HDAC7: variants seen among roughly 807,000 people sequenced by gnomAD.
HDAC7 encodes the protein histone deacetylase 7, also known as histone deacetylase 7A.
In HDAC7, 26 loss-of-function variants were observed where a neutral mutation model predicts 115.5. The ratio of observed to expected loss-of-function variants is 0.23; its 90% CI spans 0.16 to 0.31. The LOEUF (loss-of-function observed/expected upper bound fraction) is 0.31, where lower values mean the gene tolerates loss of function less well. Ranked by LOEUF, HDAC7 falls within the 10% of genes least tolerant of loss-of-function variation. The pLI is 1.00. For missense variants in HDAC7, 1,068 were observed against 1,329.0 expected (o/e 0.80, Z 3.05); for synonymous variants, 564 against 550.9 (o/e 1.02, Z -0.33).
intron 1 of HDAC7, chr12:47,817,641 G>T (rs989241995): frequency 1.3e-5 from 2 of 152,282 alleles, no homozygotes; most frequent in Non-Finnish European, 2.9e-5. Context: ...GAGAAGGCCT[G>T]GTTCTGGCCC....
chr12:47,788,941 A>G (rs771669121), intron 19 of HDAC7: 3 of 323,628 alleles, frequency 9.3e-6, no homozygotes, highest in Non-Finnish European at 1.7e-5. Context: ...TATTATTCTT[A>G]TCATCACTAC....
In HDAC7 at chr12:47,783,423, G is replaced by A. The variant is rs528381318; in HGVS notation, c.*418C>T. ...GAGCCTAGGAAGGGCCAGCCTGTCT[G>A]AGGCCAAGTTCACATTTCTGTGTGG... On this transcript the variant is annotated 3_prime_UTR_variant, in exon 26 of 26. Coordinates refer to ENST00000080059, the MANE Select transcript of HDAC7 (RefSeq NM_015401.5). 26 of 218,812 alleles carry A rather than the reference G, an allele frequency of 1.2e-4. No individual in the cohort carries two copies. Among genetic ancestry groups the A allele is most frequent in the African/African-American group, 5.4e-4 (24 of 44,552 alleles). 13.6% of individuals were successfully genotyped at this position (218,812 alleles called of 1,614,324 possible). A position where few individuals can be genotyped will look rare whatever the true frequency, so the allele number is the denominator to read the frequency against.
rs1175781054 is a variant in HDAC7 at position 47,819,846 on chromosome 12, C to T, written c.-61G>A. 3.3e-5 allele frequency: 6 copies of T among 184,336 alleles called. No individual in the cohort carries two copies. The East Asian group carries it at 7.1e-4, about 22-fold the overall frequency. The allele number at this position is 184,336 out of a possible 1,614,324, so 11.4% of individuals were successfully genotyped here. On this transcript the variant is annotated 5_prime_UTR_variant, in exon 1 of 26. Coordinates refer to ENST00000080059, the MANE Select transcript of HDAC7 (RefSeq NM_015401.5). ...GCGGGGCGGGGGGCTGGGGCGCCGG[C>T]CTCACATCCCCCCAGTCGCCGGAGG... is the stretch of plus-strand genomic sequence containing the variant.
rs202119280 is a variant in HDAC7 at position 47,797,174 on chromosome 12, C to T, written c.578-32G>A. On this transcript the variant is annotated intron_variant, in intron 6 of 25. Coordinates refer to ENST00000080059, the MANE Select transcript of HDAC7 (RefSeq NM_015401.5). This position sits in a 1 kb window ranked among gnomAD's most constrained non-coding sequence, Gnocchi z 5.5. ...GGAGCACCAGCGTCACTCAGGCCCC[C>T]ACCACCCTTCTTTTTTCCACCCTTT... 6.4e-7 allele frequency: 1 copy of T among 1,563,942 alleles called. No individual in the cohort carries two copies. Among genetic ancestry groups the T allele is most frequent in the Non-Finnish European group, 8.7e-7 (1 of 1,154,256 alleles).
intron 1 of HDAC7, among the ~76,000 whole-genome samples, chr12:47,808,056 G>T (rs928186646): frequency 6.6e-6 from 1 of 152,222 alleles, no homozygotes; most frequent in Non-Finnish European, 1.5e-5. Flanking sequence ...CCAGACGAAG[G>T]CCTCCATCAG....
chr12:47,819,742 C>T, intron 1 of HDAC7, 25 bp downstream of exon 1: 11 of 768,836 alleles, frequency 1.4e-5, no homozygotes, highest in Non-Finnish European at 1.6e-5. Context: ...CAGGGCGGGG[C>T]GGGGGGCGGC....
At chr12:47,792,277 C>A (rs1943573203) in intron 13 of HDAC7, 2 of 517,934 alleles carry the variant, frequency 3.9e-6, no homozygotes, top group Non-Finnish European at 6.9e-6. Flanking sequence ...GAGCCACGGC[C>A]TTCCCACATG....
At chr12:47,812,850 C>G (rs1944724291) in intron 1 of HDAC7, 1 of 152,256 alleles carries the variant, frequency 6.6e-6, no homozygotes, top group African/African-American at 2.4e-5. Context: ...GTCAGAATGG[C>G]ACATTTCTTC....
rs546802080 is a variant in HDAC7, at chr12:47,805,912, T to A, written c.20-3638A>T. On this transcript the variant is annotated intron_variant, in intron 1 of 25. Coordinates refer to ENST00000080059, the MANE Select transcript of HDAC7 (RefSeq NM_015401.5). Reference sequence around the variant, plus strand: ...AAAAGATGGAAATATGAGTGAAACCTGGTTCTCACTTTCAAGGAGTTTAGA... The same window carrying A: ...AAAAGATGGAAATATGAGTGAAACCAGGTTCTCACTTTCAAGGAGTTTAGA... Among the ~76,000 whole-genome samples the A allele has an allele frequency of 5.9e-5, 9 of 152,356 alleles. No individual in the cohort carries two copies. In the South Asian group the frequency reaches 1.9e-3, roughly 32 times the overall value.
intron 1 of HDAC7, chr12:47,817,414 G>GC (rs1944880266): frequency 6.6e-6 from 1 of 152,396 alleles, no homozygotes; most frequent in African/African-American, 2.4e-5. Context: ...CAAAGGAAGT[G>GC]CCCCATCTAG....
At position 47,789,937 on chromosome 12, in the gene HDAC7, C is replaced by T. The variant is rs1251669647; in HGVS notation, c.1984-17G>A. On this transcript the variant is annotated splice_polypyrimidine_tract_variant and intron_variant, in intron 16 of 25. Coordinates refer to ENST00000080059, the MANE Select transcript of HDAC7 (RefSeq NM_015401.5). ...AGTGTCCACCTGCGGGAGCCAGAGT[C>T]AGGGCCCGCATCATCCAAGGCTTCA... is the stretch of plus-strand genomic sequence containing the variant. The T allele has an allele frequency of 1.9e-6, 3 of 1,562,842 alleles. No homozygotes were observed. The highest frequency in any genetic ancestry group is 2.6e-6 in the Non-Finnish European group (3 of 1,134,780).
In HDAC7 at chr12:47,787,745, G is replaced by T. The variant is rs148606386; in HGVS notation, c.2420C>A (p.Pro807His). 7.0e-5 allele frequency: 113 copies of T among 1,612,142 alleles called. No individual in the cohort carries two copies. The highest frequency in any genetic ancestry group is 8.5e-5 in the Non-Finnish European group (100 of 1,179,412). ...NVAWAGGLDP[P>H]MGDPEYLAAF... is the part of the protein sequence containing the mutation. The stretch of plus-strand genomic sequence containing the variant: ...AGCCAGGTACTCAGGATCCCCCATG[G>T]GGGGGTCCAGACCTCCAGCCCAGGC... The change falls in exon 21 of 26, where the codon CCC becomes CAC. Residue 807 changes from proline to histidine, a missense_variant. Pro to His is a moderately conservative substitution (Grantham distance 77). This residue lies in a region of HDAC7 where 182 missense variants were observed against 301.1 expected (regional missense o/e 0.60). Coordinates refer to ENST00000080059, the MANE Select transcript of HDAC7 (RefSeq NM_015401.5).
chr12:47,803,383 G>A lies in HDAC7; in HGVS notation c.20-1109C>T, dbSNP rs984782622. 5.9e-5 allele frequency among the ~76,000 whole-genome samples: 9 copies of A among 152,198 alleles called. No individual in the cohort carries two copies. Among genetic ancestry groups the A allele is most frequent in the African/African-American group, 2.2e-4 (9 of 41,430 alleles). On this transcript the variant is annotated intron_variant, in intron 1 of 25. Transcript: ENST00000080059. The surrounding 1 kb of genome is among the most constrained non-coding windows in gnomAD (Gnocchi z 4.0). Reference sequence around the variant, plus strand: ...GCAGCCACAGTTCCTCTTCAGAGCCGAGAAATGAGAACTTCCTGCAGGCAG... The same window carrying A: ...GCAGCCACAGTTCCTCTTCAGAGCCAAGAAATGAGAACTTCCTGCAGGCAG...
In HDAC7 at chr12:47,788,076, T is replaced by C; in HGVS notation, c.2324A>G (p.Asn775Ser). 6.2e-7 allele frequency: 1 copy of C among 1,613,338 alleles called. No individual in the cohort carries two copies. Among genetic ancestry groups the C allele is most frequent in the Non-Finnish European group, 8.5e-7 (1 of 1,179,558 alleles). The change falls in exon 20 of 26, where the codon AAC becomes AGC. Residue 775 changes from asparagine to serine, a missense_variant. By Grantham distance (46) the Asn-to-Ser change is conservative. Transcript: ENST00000080059. ...YISLHRHDDGNFFPGSGAVDE... is the reference protein window; with the variant it reads ...YISLHRHDDGSFFPGSGAVDE... Reference sequence around the variant, plus strand: ...CACAGCCCCACTCCCCGGGAAGAAGTTGCCGTCGTCATGGCGATGCAGGGA... The same window carrying C: ...CACAGCCCCACTCCCCGGGAAGAAGCTGCCGTCGTCATGGCGATGCAGGGA...
rs1301869391 is a variant in HDAC7 at position 47,793,301 on chromosome 12, C to G, written c.1678+68G>C. The G allele has an allele frequency of 2.4e-5, 29 of 1,230,154 alleles. No individual in the cohort carries two copies. In the East Asian group the frequency reaches 7.5e-4, roughly 32 times the overall value. The allele number at this position is 1,230,154 out of a possible 1,614,324, so 76.2% of individuals were successfully genotyped here. A position where few individuals can be genotyped will look rare whatever the true frequency, so the allele number is the denominator to read the frequency against. On this transcript the variant is annotated intron_variant, in intron 13 of 25. Coordinates refer to ENST00000080059, the MANE Select transcript of HDAC7 (RefSeq NM_015401.5). This position sits in a 1 kb window ranked among gnomAD's most constrained non-coding sequence, Gnocchi z 4.5. ...CCTCTAAAAATGTCCCAAGTGACACCAAGACACCCACATGGACTCGTGCAG... is the reference window on the plus strand; with the variant it reads ...CCTCTAAAAATGTCCCAAGTGACACGAAGACACCCACATGGACTCGTGCAG...
At position 47,795,781 on chromosome 12, in the gene HDAC7, G is replaced by A. The variant is rs376889630; in HGVS notation, c.907-14C>T. 21 of 1,521,676 alleles carry A rather than the reference G, an allele frequency of 1.4e-5. No homozygotes were observed. The African/African-American group carries it at 1.5e-4, about 11-fold the overall frequency. 94.3% of individuals were successfully genotyped at this position (1,521,676 alleles called of 1,614,324 possible). The stretch of plus-strand genomic sequence containing the variant: ...GTCACTGTCAGCCTGGGGGAGAGGC[G>A]GGAGAAGTCACGGGGAAGAAGATTC... On this transcript the variant is annotated splice_polypyrimidine_tract_variant and intron_variant, in intron 9 of 25. Transcript: ENST00000080059. The surrounding 1 kb of genome is among the most constrained non-coding windows in gnomAD (Gnocchi z 4.3).
At position 47,797,024 on chromosome 12, in the gene HDAC7, G is replaced by C. The variant is rs146194878; in HGVS notation, c.696C>G (p.Thr232=). 1.3e-6 allele frequency: 2 copies of C among 1,561,058 alleles called. No homozygotes were observed. The highest frequency in any genetic ancestry group is 2.4e-5 in the South Asian group (2 of 81,904). The stretch of plus-strand genomic sequence containing the variant: ...GGCTCAGCCGGCCCTCACCTCCGAG[G>C]GTCTCTGCGGGCCGCCGCCGGAGGC... The part of the protein sequence containing the change: ...PPSLRRRPAE[T]LGDSSPSSSS... The change falls in exon 7 of 26, where the codon ACC becomes ACG. Residue 232 remains threonine (T), a synonymous_variant. Transcript: ENST00000080059. The surrounding 1 kb of genome is among the most constrained non-coding windows in gnomAD (Gnocchi z 5.5).
chr12:47,796,261 C>G lies in HDAC7; in HGVS notation c.741G>C (p.Gly247=). Residue 247 remains glycine (G), a synonymous_variant, in exon 8 of 26, where the codon GGG becomes GGC. Transcript: ENST00000080059. ...GCTCGCTGTCATTGGGGGAGCTGCA[C>G]CCTGATGCGGGCGTGCTGCTACTAC... ...SPSSSSTPAS[G]CSSPNDSEHG... 6.3e-7 allele frequency: 1 copy of G among 1,598,218 alleles called. No homozygotes were observed.
Position 47,793,316 on chromosome 12 carries a change from G to T in HDAC7, c.1678+53C>A. 2 of 1,331,856 alleles carry T rather than the reference G, an allele frequency of 1.5e-6. No homozygotes were observed. Among genetic ancestry groups the T allele is most frequent in the Non-Finnish European group, 1.0e-6 (1 of 985,920 alleles). The allele number at this position is 1,331,856 out of a possible 1,614,324, so 82.5% of individuals were successfully genotyped here. On this transcript the variant is annotated intron_variant, in intron 13 of 25. Transcript: ENST00000080059. The surrounding 1 kb of genome is among the most constrained non-coding windows in gnomAD (Gnocchi z 4.5). The stretch of plus-strand genomic sequence containing the variant: ...CAAGTGACACCAAGACACCCACATG[G>T]ACTCGTGCAGCCGAGCCCCTCCCTC...
Sources: allele counts gnomAD v4.1 joint callset (sites outside exome capture counted in the v4.1 genomes callset), GRCh38; gene constraint gnomAD v4.1.1; regional missense constraint gnomAD v4.1.1; non-coding constraint Gnocchi (gnomAD v3.1); transcripts MANE v1.5; gene names NCBI Gene and HGNC (gene_info 2026-07-23, HGNC 2026-07-21).